The following TAFA1 variants were observed in gnomAD, a reference collection of about 807,000 sequenced individuals.
TAFA1 encodes the protein chemokine-like protein TAFA-1.
TAFA1 carries 4 observed loss-of-function variants against 18.5 expected under a neutral mutation model. The ratio of observed to expected loss-of-function variants is 0.22; its 90% CI spans 0.11 to 0.49. The LOEUF is 0.49. Among genes scored for constraint, TAFA1 ranks in the 20% least tolerant of loss-of-function variants. The pLI is 0.98. For missense variants in TAFA1, 147 were observed against 169.0 expected (o/e 0.87, Z 0.72); for synonymous variants, 56 against 55.2 (o/e 1.01, Z -0.06).
At chr3:68,510,020 A>G (rs946404391) in intron 3 of TAFA1, among the ~76,000 whole-genome samples, 3 of 152,102 alleles carry the variant, frequency 2.0e-5, no homozygotes, top group African/African-American at 4.8e-5. Context: ...ATAAAGTTCA[A>G]TGCCATTATC....
chr3:68,082,339 C>T (rs898398150), intron 2 of TAFA1, among the ~76,000 whole-genome samples: 3 of 152,192 alleles, frequency 2.0e-5, no homozygotes, highest in Non-Finnish European at 2.9e-5. Flanking sequence ...GCTCCTCCCC[C>T]CTGTTCCTAC....
intron 2 of TAFA1, among the ~76,000 whole-genome samples, chr3:68,269,237 T>C (rs948207893): frequency 1.3e-5 from 2 of 151,988 alleles, no homozygotes; most frequent in Non-Finnish European, 1.5e-5. Flanking sequence ...GAGGATTGCT[T>C]GAGGCCGGGA....
At chr3:68,266,861 A>G (rs1367825957) in intron 2 of TAFA1, among the ~76,000 whole-genome samples, 1 of 152,174 alleles carries the variant, frequency 6.6e-6, no homozygotes, top group South Asian at 2.1e-4. Flanking sequence ...TTGGCTTGTT[A>G]TCATAATTTG....
intron 2 of TAFA1, among the ~76,000 whole-genome samples, chr3:68,328,278 G>A (rs1466962393): frequency 6.6e-6 from 1 of 152,190 alleles, no homozygotes; most frequent in African/African-American, 2.4e-5. Context: ...GGGCTGTGTG[G>A]AGTGTTGAAA....
intron 3 of TAFA1, among the ~76,000 whole-genome samples, chr3:68,453,779 G>T (rs2071607855): frequency 6.6e-6 from 1 of 152,196 alleles, no homozygotes; most frequent in Non-Finnish European, 1.5e-5. Flanking sequence ...TCAACGCCAT[G>T]ATTTAAATGA....
intron 2 of TAFA1, among the ~76,000 whole-genome samples, chr3:68,154,185 T>A (rs2065838703): frequency 6.6e-6 from 1 of 152,200 alleles, no homozygotes; most frequent in South Asian, 2.1e-4. Context: ...CATCCTAAGA[T>A]AACCCTCCTT....
At position 68,271,836 on chromosome 3, in the gene TAFA1, TCACACACACA is replaced by T. The variant is rs965274782; in HGVS notation, c.119-145429_119-145420del. 4.2e-3 allele frequency among the ~76,000 whole-genome samples: 539 copies of T among 129,308 alleles called. 6 individuals carry two copies. Among genetic ancestry groups the T allele is most frequent in the African/African-American group, 0.015 (493 of 33,176 alleles). 84.8% of individuals were successfully genotyped at this position (129,308 alleles called of 152,430 possible). A position where few individuals can be genotyped will look rare whatever the true frequency, so the allele number is the denominator to read the frequency against. On this transcript the variant is annotated intron_variant, in intron 2 of 4. Transcript: ENST00000478136. ...GTCTATCTCTCTCTCTCTCTCTCTC[TCACACACACA>T]CACACACACACACATTTAAATATAT...
chr3:68,534,738 C>T lies in TAFA1; in HGVS notation c.260-4018C>T, dbSNP rs2106781860. 2.0e-5 allele frequency among the ~76,000 whole-genome samples: 3 copies of T among 152,126 alleles called. No individual in the cohort carries two copies. The South Asian group carries it at 6.2e-4, about 32-fold the overall frequency. The stretch of plus-strand genomic sequence containing the variant: ...GCATGGGTTTGGAGATTTATTTTTT[C>T]CCTAATGTCTACATTTTCATTTAGG... On this transcript the variant is annotated intron_variant, in intron 3 of 4. Coordinates refer to ENST00000478136, the MANE Select transcript of TAFA1 (RefSeq NM_213609.4).
chr3:68,145,184 C>T, intron 2 of TAFA1: 1 of 818,278 alleles, frequency 1.2e-6, no homozygotes, highest in Non-Finnish European at 2.2e-6. Flanking sequence ...GAAAAGAATA[C>T]CACCTGCTAC....
At chr3:68,499,573 G>A (rs947235919) in intron 3 of TAFA1, among the ~76,000 whole-genome samples, 4 of 149,110 alleles carry the variant, frequency 2.7e-5, no homozygotes, top group African/African-American at 9.8e-5. Flanking sequence ...TTTATTTTAT[G>A]TATTTATTTA....
intron 3 of TAFA1, among the ~76,000 whole-genome samples, chr3:68,488,492 T>C (rs1355944087): frequency 2.6e-5 from 4 of 152,172 alleles, no homozygotes; most frequent in South Asian, 2.1e-4. Context: ...TGACACGCAA[T>C]ATTAACCATC....
intron 2 of TAFA1, among the ~76,000 whole-genome samples, chr3:68,342,478 C>T (rs924916468): frequency 2.0e-5 from 3 of 152,202 alleles, no homozygotes; most frequent in African/African-American, 7.2e-5. Context: ...CATTCAAATA[C>T]GTCTTTCTCT....
intron 2 of TAFA1, among the ~76,000 whole-genome samples, chr3:68,023,556 CA>C (rs1293052862): frequency 6.6e-6 from 1 of 152,106 alleles, no homozygotes; most frequent in Non-Finnish European, 1.5e-5. Context: ...GATATGGCCA[CA>C]AAATACCTTA....
intron 3 of TAFA1, among the ~76,000 whole-genome samples, chr3:68,440,421 A>G (rs2071354890): frequency 6.6e-6 from 1 of 152,226 alleles, no homozygotes; most frequent in African/African-American, 2.4e-5. Flanking sequence ...TAAAGGAAAA[A>G]GGAAACAAAA....
At chr3:68,345,129 A>G (rs973860871) in intron 2 of TAFA1, among the ~76,000 whole-genome samples, 1 of 152,028 alleles carries the variant, frequency 6.6e-6, no homozygotes, top group African/African-American at 2.4e-5. Context: ...GTCCACCTTC[A>G]CAGTCTACAT....
intron 3 of TAFA1, among the ~76,000 whole-genome samples, chr3:68,534,306 C>T (rs1295576387): frequency 5.9e-5 from 9 of 152,172 alleles, no homozygotes; most frequent in Admixed American, 4.6e-4. Context: ...TTCTCTTCGC[C>T]TTCTTCCATA....
chr3:68,007,908 T>C lies in TAFA1; in HGVS notation c.118+1164T>C, dbSNP rs574793922. 2.8e-4 allele frequency among the ~76,000 whole-genome samples: 42 copies of C among 152,320 alleles called. 1 individual carries two copies. The South Asian group carries it at 5.0e-3, about 18-fold the overall frequency. ...GCTTGCTGCCTCCTGGGGCTCAGCT[T>C]CCCTGCTGGGGGCAGGCATGTCAGA... On this transcript the variant is annotated intron_variant, in intron 2 of 4. Coordinates refer to ENST00000478136, the MANE Select transcript of TAFA1 (RefSeq NM_213609.4).
At chr3:68,069,123 T>C (rs530050742) in intron 2 of TAFA1, among the ~76,000 whole-genome samples, 1 of 152,240 alleles carries the variant, frequency 6.6e-6, no homozygotes, top group East Asian at 1.9e-4. Context: ...AAAATAATGG[T>C]TTGTATGCAC....
chr3:68,375,867 C>T (rs1419790253), intron 2 of TAFA1, among the ~76,000 whole-genome samples: 2 of 152,048 alleles, frequency 1.3e-5, no homozygotes, highest in East Asian at 1.9e-4. Flanking sequence ...GGAAAGAAAA[C>T]CTCTGATTTT....
Sources: allele counts gnomAD v4.1 joint callset (sites outside exome capture counted in the v4.1 genomes callset), GRCh38; gene constraint gnomAD v4.1.1; transcripts MANE v1.5; gene names NCBI Gene and HGNC (gene_info 2026-07-23, HGNC 2026-07-21).